Variants in ITGAE observed in about 807,000 individuals in gnomAD.
The protein encoded by ITGAE is integrin subunit alpha E, also known as integrin alpha-E.
Under a neutral mutation model 136.5 loss-of-function variants are expected in ITGAE, and 99 were observed. The observed-to-expected ratio is 0.73, with a 90% CI of 0.62 to 0.86. ITGAE has a LOEUF of 0.86. ITGAE is among the 40% of genes least tolerant of loss of function. ITGAE has a pLI of 0.00. For synonymous variants in ITGAE, 613 were observed against 591.8 expected, an observed-to-expected ratio of 1.04 and a Z score of -0.52; for missense variants, 1,447 against 1,515.3, an observed-to-expected ratio of 0.95 and a Z score of 0.75.
chr17:3,791,364 CCT>C (rs1043622129), intron 1 of ITGAE, among the ~76,000 whole-genome samples: 4 of 151,916 alleles, frequency 2.6e-5, no homozygotes, highest in Non-Finnish European at 4.4e-5. Flanking sequence ...CTCACTACAA[CCT>C]CTGTCTCCCG....
At chr17:3,765,654 C>G (rs1016420344) in intron 2 of ITGAE, among the ~76,000 whole-genome samples, 2 of 152,104 alleles carry the variant, frequency 1.3e-5, no homozygotes, top group African/African-American at 4.8e-5. Context: ...TCCAACGGAC[C>G]GCTCTCTGTC....
chr17:3,737,929 T>C (rs2051496464), intron 20 of ITGAE, among the ~76,000 whole-genome samples: 1 of 152,182 alleles, frequency 6.6e-6, no homozygotes, highest in Non-Finnish European at 1.5e-5. Flanking sequence ...AGTAGCTGGC[T>C]GGGAGGTTGG....
At chr17:3,795,759 G>C (rs574687748) in intron 1 of ITGAE, among the ~76,000 whole-genome samples, 1 of 151,856 alleles carries the variant, frequency 6.6e-6, no homozygotes, top group African/African-American at 2.4e-5. Flanking sequence ...ACGGTGGCAT[G>C]AGACTGTGTA....
At chr17:3,775,041 G>A (rs1219827213) in intron 2 of ITGAE, among the ~76,000 whole-genome samples, 1 of 151,526 alleles carries the variant, frequency 6.6e-6, no homozygotes, top group Non-Finnish European at 1.5e-5. Context: ...ACCCGCCCCC[G>A]GGCTCAGGCA....
chr17:3,761,666 G>A, intron 4 of ITGAE, 146 bp from the exon 5 acceptor site: 1 of 782,552 alleles, frequency 1.3e-6, no homozygotes, highest in Non-Finnish European at 2.0e-6. Flanking sequence ...ACCGGGTGTA[G>A]GAGTCAGTGT....
At position 3,743,477 on chromosome 17, in the gene ITGAE, G is replaced by C. The variant is rs1046149228; in HGVS notation, c.2448+12C>G. ...CTTAAGAGGGCTGGGTACTGGCTGT[G>C]GGTAGAGTCACCTGGAAGATGGCAA... On this transcript the variant is annotated intron_variant, in intron 19 of 30. Coordinates refer to ENST00000263087, the MANE Select transcript of ITGAE (RefSeq NM_002208.5). 5 of 1,585,822 alleles carry C rather than the reference G, an allele frequency of 3.2e-6. No individual in the cohort carries two copies. The East Asian group carries it at 1.1e-4, about 36-fold the overall frequency.
chr17:3,750,317 G>C, intron 16 of ITGAE, 35 bp downstream of exon 16: 1 of 1,611,742 alleles, frequency 6.2e-7, no homozygotes, highest in Non-Finnish European at 8.5e-7. Context: ...GGTGAGGCTG[G>C]GCCTGGGACC....
rs148527083 is a variant in ITGAE, at chr17:3,739,299, C to G, written c.2522+506G>C. Among the ~76,000 whole-genome samples the G allele has an allele frequency of 7.2e-5, 11 of 152,350 alleles. No individual in the cohort carries two copies. The East Asian group carries it at 2.1e-3, about 29-fold the overall frequency. On this transcript the variant is annotated intron_variant, in intron 20 of 30. Coordinates refer to ENST00000263087, the MANE Select transcript of ITGAE (RefSeq NM_002208.5). Reference sequence around the variant, plus strand: ...ATCTCATCAACATGGAATTTACCTACTTACCATCTTCTCCCCCTAAGAGCA... The same window carrying G: ...ATCTCATCAACATGGAATTTACCTAGTTACCATCTTCTCCCCCTAAGAGCA...
At chr17:3,783,981 C>A (rs903368847) in intron 1 of ITGAE, among the ~76,000 whole-genome samples, 7 of 152,200 alleles carry the variant, frequency 4.6e-5, no homozygotes, top group Non-Finnish European at 8.8e-5. Flanking sequence ...AGCAGACCAG[C>A]GGGGCGCGGC....
intron 29 of ITGAE, among the ~76,000 whole-genome samples, chr17:3,719,248 A>G (rs1460273632): frequency 2.1e-5 from 3 of 145,668 alleles, no homozygotes; most frequent in South Asian, 2.1e-4. Context: ...AAAAAAAAAA[A>G]AAAAAAAAGA....
intron 22 of ITGAE, among the ~76,000 whole-genome samples, chr17:3,731,593 C>T (rs555534590): frequency 3.3e-5 from 5 of 151,596 alleles, no homozygotes; most frequent in South Asian, 2.1e-4. Flanking sequence ...CCACCCACCT[C>T]GGTCTCCCAA....
chr17:3,782,298 A>AAAC (rs1567554856), intron 1 of ITGAE, among the ~76,000 whole-genome samples: 3 of 102,156 alleles, frequency 2.9e-5, no homozygotes, highest in Non-Finnish European at 5.6e-5. Flanking sequence ...AAAAAAAAAA[A>AAAC]AAAGCATGGT....
rs573604140 is a variant in ITGAE at position 3,757,994 on chromosome 17, G to A, written c.867-135C>T. ...TCCCGAAAGACCCAGAGAAGGGGGT[G>A]ATGCCCCCTTAAGTCACGCAGCGAG... is the stretch of plus-strand genomic sequence containing the variant. On this transcript the variant is annotated intron_variant, in intron 8 of 30. Coordinates refer to ENST00000263087, the MANE Select transcript of ITGAE (RefSeq NM_002208.5). 20 of 1,021,414 alleles carry A rather than the reference G, an allele frequency of 2.0e-5. No individual in the cohort carries two copies. The East Asian group carries it at 4.6e-4, about 24-fold the overall frequency. 63.3% of individuals were successfully genotyped at this position (1,021,414 alleles called of 1,614,324 possible).
chr17:3,750,727 G>A (rs183673939), intron 15 of ITGAE, among the ~76,000 whole-genome samples: 56 of 151,938 alleles, frequency 3.7e-4, no homozygotes, highest in African/African-American at 1.3e-3. Flanking sequence ...GAAAGAGCAG[G>A]GCCTTCTGAG....
At chr17:3,760,429 G>GGTT in intron 6 of ITGAE, 142 bp from the exon 7 acceptor site, 1 of 60,714 alleles carries the variant, frequency 1.6e-5, no homozygotes. Flanking sequence ...CAAGAGGGAA[G>GGTT]CTTTTTTTTT....
chr17:3,776,302 C>G (rs2052538551), intron 2 of ITGAE, among the ~76,000 whole-genome samples: 1 of 152,108 alleles, frequency 6.6e-6, no homozygotes, highest in South Asian at 2.1e-4. Flanking sequence ...AAATGATCCG[C>G]CCGCCTCGGC....
intron 2 of ITGAE, among the ~76,000 whole-genome samples, chr17:3,773,113 CT>C (rs2052465034): frequency 6.6e-6 from 1 of 152,212 alleles, no homozygotes; most frequent in Non-Finnish European, 1.5e-5. Context: ...ATCAGGGTTT[CT>C]GGGACCCTTT....
chr17:3,799,405 G>A lies in ITGAE; in HGVS notation c.34+1706C>T, dbSNP rs1008176818. On this transcript the variant is annotated intron_variant, in intron 1 of 30. Coordinates refer to ENST00000263087, the MANE Select transcript of ITGAE (RefSeq NM_002208.5). This position sits in a 1 kb window ranked among gnomAD's most constrained non-coding sequence, Gnocchi z 4.1. ...TCTGCTGCCCATCAGCTTGGGAAGG[G>A]CCTAGGCCTCAAAAGAGGTTTGATC... is the stretch of plus-strand genomic sequence containing the variant. 6.6e-6 allele frequency among the ~76,000 whole-genome samples: 1 copy of A among 152,124 alleles called. No individual in the cohort carries two copies. The highest frequency in any genetic ancestry group is 6.5e-5 in the Admixed American group (1 of 15,274).
rs764801479 is a variant in ITGAE at position 3,748,093 on chromosome 17, A to T, written c.2025-41T>A. 1.9e-5 allele frequency: 31 copies of T among 1,590,118 alleles called. No homozygotes were observed. The East Asian group carries it at 7.1e-4, about 36-fold the overall frequency. ...AAGAGGATGGGAGAAGTGACTGCTC[A>T]GCCTCTGGGTCAGGGCCTGGCTGAT... is the stretch of plus-strand genomic sequence containing the variant. On this transcript the variant is annotated intron_variant, in intron 16 of 30. Coordinates refer to ENST00000263087, the MANE Select transcript of ITGAE (RefSeq NM_002208.5).
Sources: allele counts gnomAD v4.1 joint callset (sites outside exome capture counted in the v4.1 genomes callset), GRCh38; gene constraint gnomAD v4.1.1; non-coding constraint Gnocchi (gnomAD v3.1); transcripts MANE v1.5; gene names NCBI Gene and HGNC (gene_info 2026-07-23, HGNC 2026-07-21).